CNGA1: variants seen among roughly 807,000 people sequenced by gnomAD.
The protein encoded by CNGA1 is cyclic nucleotide gated channel subunit alpha 1.
A neutral mutation model predicts 69.7 loss-of-function variants in CNGA1; 53 were observed. The observed-to-expected ratio is 0.76, with a 90% CI of 0.61 to 0.96. The LOEUF is 0.96. Among genes scored for constraint, CNGA1 ranks in the 40% least tolerant of loss-of-function variants. The pLI is 0.00. For synonymous variants in CNGA1, 249 were observed against 283.5 expected, an observed-to-expected ratio of 0.88 and a Z score of 1.22; for missense variants, 739 against 811.2, an observed-to-expected ratio of 0.91 and a Z score of 1.08.
chr4:47,979,294 C>T (rs1174389017), intron 3 of CNGA1, among the ~76,000 whole-genome samples: 1 of 141,348 alleles, frequency 7.1e-6, no homozygotes, highest in Admixed American at 7.6e-5. Context: ...GCACTTCAGC[C>T]TGGGCAACAG....
chr4:47,938,397 A>AT (rs10647718), intron 10 of CNGA1, among the ~76,000 whole-genome samples: 54,133 of 142,592 alleles, frequency 0.38, 11,203 homozygotes, highest in East Asian at 0.58. Flanking sequence ...TACTAAGTGC[A>AT]TTTTTTTTTT....
At chr4:47,992,058 T>C (rs1488744010) in intron 2 of CNGA1, among the ~76,000 whole-genome samples, 2 of 152,206 alleles carry the variant, frequency 1.3e-5, no homozygotes, top group Non-Finnish European at 2.9e-5. Flanking sequence ...CATGCTGTTT[T>C]GGTGACTATG....
At chr4:47,976,642 C>A (rs1312399283) in intron 3 of CNGA1, among the ~76,000 whole-genome samples, 1 of 151,950 alleles carries the variant, frequency 6.6e-6, no homozygotes. Context: ...CAAGTTTATA[C>A]CTTATCTCTG....
chr4:47,955,461 G>A (rs1740032456), intron 3 of CNGA1, among the ~76,000 whole-genome samples: 1 of 152,082 alleles, frequency 6.6e-6, no homozygotes, highest in Non-Finnish European at 1.5e-5. Context: ...GGGATTACAG[G>A]CGTGAGCCAC....
In CNGA1 at chr4:47,983,917, A is replaced by G. The variant is rs557745421; in HGVS notation, c.-122-2417T>C. On this transcript the variant is annotated intron_variant, in intron 2 of 10. Transcript: ENST00000514170. ...TCAGAGTTAGCTGTGATTCACACCC[A>G]GAGAGGGTTACTAGATTTGGCAACT... Among the ~76,000 whole-genome samples the G allele has an allele frequency of 2.3e-4, 35 of 152,350 alleles. 1 individual carries two copies. The East Asian group carries it at 6.6e-3, about 29-fold the overall frequency.
At chr4:48,011,764 G>C (rs766009549) in intron 1 of CNGA1, among the ~76,000 whole-genome samples, 2 of 152,172 alleles carry the variant, frequency 1.3e-5, no homozygotes, top group Admixed American at 6.5e-5. Context: ...GGGCTTCCAG[G>C]CTGTAGGCAA....
chr4:47,955,241 G>A (rs567791526), intron 3 of CNGA1, among the ~76,000 whole-genome samples: 206 of 133,368 alleles, frequency 1.5e-3, no homozygotes, highest in Non-Finnish European at 2.5e-3. Context: ...GGAGTGCAGT[G>A]GTGCGATATC....
intron 6 of CNGA1, among the ~76,000 whole-genome samples, chr4:47,945,317 A>T (rs1212075613): frequency 6.6e-6 from 1 of 152,234 alleles, no homozygotes; most frequent in African/African-American, 2.4e-5. Context: ...CAATGACTAG[A>T]GGAGAAGCCA....
chr4:47,936,861 C>T lies in CNGA1; in HGVS notation c.1621G>A (p.Gly541Ser), dbSNP rs527236057. The change falls in exon 11 of 11, where the codon GGT becomes AGT. Residue 541 changes from glycine (G) to serine (S), a missense_variant. Physicochemically the swap from Gly to Ser is moderately conservative, Grantham distance 56 (BLOSUM62 0). Coordinates refer to ENST00000514170, the MANE Select transcript of CNGA1 (RefSeq NM_001379270.1). ...TTAATGTTAAGAATGCTGATCTCAC[C>T]GAAGTAGCTGCCATCGCTCAATACC... The part of the protein sequence containing the change: ...FVVLSDGSYF[G>S]EISILNIKGS... 1.9e-6 allele frequency: 3 copies of T among 1,614,078 alleles called. No individual in the cohort carries two copies. The highest frequency in any genetic ancestry group is 1.1e-5 in the South Asian group (1 of 91,088).
At chr4:47,997,997 C>T (rs200956993) in intron 2 of CNGA1, among the ~76,000 whole-genome samples, 1 of 152,122 alleles carries the variant, frequency 6.6e-6, no homozygotes, top group East Asian at 1.9e-4. Context: ...AAAGGAACAT[C>T]TGTATACTGT....
At chr4:48,001,043 A>G (rs1157721091) in intron 2 of CNGA1, among the ~76,000 whole-genome samples, 2 of 152,256 alleles carry the variant, frequency 1.3e-5, no homozygotes, top group Admixed American at 6.5e-5. Flanking sequence ...AAGGCTAATT[A>G]AAAGCAAAGA....
rs764612352 is a variant in CNGA1, at chr4:47,937,546, A to G, written c.936T>C (p.Cys312=). 4 of 1,614,094 alleles carry G rather than the reference A, an allele frequency of 2.5e-6. No homozygotes were observed. Among genetic ancestry groups the G allele is most frequent in the African/African-American group, 1.3e-5 (1 of 74,926 alleles). The change falls in exon 11 of 11, where the codon TGT becomes TGC. Residue 312 remains cysteine, a synonymous_variant. Transcript: ENST00000514170. ...TAGCTTTAGAAATAGAGTAGAACACACATGCATTCCAGTGGATAATGATGA... is the reference window on the plus strand; with the variant it reads ...TAGCTTTAGAAATAGAGTAGAACACGCATGCATTCCAGTGGATAATGATGA... ...YIVIIIHWNA[C]VFYSISKAIG...
chr4:47,992,973 C>T (rs1033742099), intron 2 of CNGA1, among the ~76,000 whole-genome samples: 2 of 151,986 alleles, frequency 1.3e-5, no homozygotes, highest in African/African-American at 4.8e-5. Context: ...TCTTAATTCT[C>T]TTTATGTGGT....
intron 3 of CNGA1, among the ~76,000 whole-genome samples, chr4:47,964,215 C>T (rs1044340077): frequency 6.6e-6 from 1 of 152,186 alleles, no homozygotes; most frequent in African/African-American, 2.4e-5. Context: ...TTGGAGACCT[C>T]ATGCCTTATG....
chr4:47,949,103 G>A (rs1333233095), intron 6 of CNGA1, among the ~76,000 whole-genome samples: 1 of 152,140 alleles, frequency 6.6e-6, no homozygotes, highest in African/African-American at 2.4e-5. Flanking sequence ...CACACGGTTG[G>A]GCCATACAGT....
intron 3 of CNGA1, among the ~76,000 whole-genome samples, chr4:47,958,731 A>G (rs1426702742): frequency 2.6e-5 from 4 of 152,026 alleles, no homozygotes; most frequent in Admixed American, 6.6e-5. Flanking sequence ...TGGCTACTAC[A>G]TGGGTACTGA....
At position 47,987,556 on chromosome 4, in the gene CNGA1, A is replaced by C. The variant is rs142022391; in HGVS notation, c.-122-6056T>G. Among the ~76,000 whole-genome samples, 108 of 152,310 alleles carry C rather than the reference A, an allele frequency of 7.1e-4. 2 individuals are homozygous for C. In the East Asian group the frequency reaches 0.018, roughly 26 times the overall value. ...TAGTCATTCATTCAACAAATATGTA[A>C]ATATTAAATGACAGGCTCTCTTCTA... On this transcript the variant is annotated intron_variant, in intron 2 of 10. Coordinates refer to ENST00000514170, the MANE Select transcript of CNGA1 (RefSeq NM_001379270.1).
At chr4:47,971,630 G>A (rs986411063) in intron 3 of CNGA1, among the ~76,000 whole-genome samples, 1 of 152,074 alleles carries the variant, frequency 6.6e-6, no homozygotes, top group South Asian at 2.1e-4. Flanking sequence ...GGTGGCTCAC[G>A]CTTGCAATCC....
At chr4:48,011,751 G>C (rs529411675) in intron 1 of CNGA1, among the ~76,000 whole-genome samples, 1 of 152,138 alleles carries the variant, frequency 6.6e-6, no homozygotes, top group East Asian at 1.9e-4. Flanking sequence ...AGGTGGGTGT[G>C]GGGGGCTTCC....
Sources: allele counts gnomAD v4.1 joint callset (sites outside exome capture counted in the v4.1 genomes callset), GRCh38; gene constraint gnomAD v4.1.1; transcripts MANE v1.5; gene names NCBI Gene and HGNC (gene_info 2026-07-23, HGNC 2026-07-21).